GRK6: variants seen among roughly 807,000 people sequenced by gnomAD.
GRK6 encodes the protein G protein-coupled receptor kinase 6.
A neutral mutation model predicts 80.8 loss-of-function variants in GRK6; 37 were observed. That is an observed-to-expected ratio of 0.46 (90% CI 0.35 to 0.60). The LOEUF (loss-of-function observed/expected upper bound fraction) is 0.60, where lower values mean the gene tolerates loss of function less well. Among genes scored for constraint, GRK6 ranks in the 20% least tolerant of loss-of-function variants. GRK6 has a pLI of 0.00. For synonymous variants in GRK6, 295 were observed against 320.9 expected, an observed-to-expected ratio of 0.92 and a Z score of 0.86; for missense variants, 560 against 784.6, an observed-to-expected ratio of 0.71 and a Z score of 3.42.
At chr5:177,430,652 C>A (rs1763848865) in intron 1 of GRK6, 2 of 580,618 alleles carry the variant, frequency 3.4e-6, no homozygotes, top group Admixed American at 3.1e-5. Context: ...GACCTCACTG[C>A]CTCTCTTGGC....
rs766573669 is a variant in GRK6 at position 177,442,002 on chromosome 5, C to G, written c.*212C>G. ...TCCCTGGGACAAAGGTGCGTCCCTT[C>G]AGCTCTTCTCCGTGGAGCTCGGGGC... On this transcript the variant is annotated 3_prime_UTR_variant, in exon 16 of 16. Transcript: ENST00000355472. 1.7e-6 allele frequency: 1 copy of G among 587,264 alleles called. No individual in the cohort carries two copies. Among genetic ancestry groups the G allele is most frequent in the East Asian group, 2.9e-5 (1 of 33,972 alleles). 36.4% of individuals were successfully genotyped at this position (587,264 alleles called of 1,614,324 possible).
chr5:177,441,300 C>T, intron 15 of GRK6: 8 of 1,551,646 alleles, frequency 5.2e-6, no homozygotes, highest in Non-Finnish European at 7.0e-6. Context: ...CTCGGGGAGC[C>T]ACGGGCAGCC....
rs775086867 is a variant in GRK6 at position 177,428,615 on chromosome 5, C to G, written c.52+1718C>G. On this transcript the variant is annotated intron_variant, in intron 1 of 15. Coordinates refer to ENST00000355472, the MANE Select transcript of GRK6 (RefSeq NM_001004106.3). This position sits in a 1 kb window ranked among gnomAD's most constrained non-coding sequence, Gnocchi z 4.1. Reference sequence around the variant, plus strand: ...GTATTTATAGCACAGATGGGTTTCACCATGTTGGCCTGGCTGGTCTTGAAC... The same window carrying G: ...GTATTTATAGCACAGATGGGTTTCAGCATGTTGGCCTGGCTGGTCTTGAAC... 6.6e-6 allele frequency among the ~76,000 whole-genome samples: 1 copy of G among 152,174 alleles called. No individual in the cohort carries two copies. The highest frequency in any genetic ancestry group is 2.4e-5 in the African/African-American group (1 of 41,446).
intron 13 of GRK6, among the ~76,000 whole-genome samples, chr5:177,440,435 G>T (rs1764420041): frequency 6.6e-6 from 1 of 152,276 alleles, no homozygotes; most frequent in Non-Finnish European, 1.5e-5. Flanking sequence ...GCAGGCGAAG[G>T]AGGTGCCTGG....
chr5:177,436,365 C>T (rs1178551283), intron 12 of GRK6, 28 bp from the exon 13 acceptor site: 11 of 1,591,678 alleles, frequency 6.9e-6, no homozygotes, highest in Non-Finnish European at 8.6e-6. Flanking sequence ...CCTGCCTGGC[C>T]TGCCTGGCCG....
At chr5:177,434,289 G>C (rs2127375173) in intron 9 of GRK6, among the ~76,000 whole-genome samples, 185 bp downstream of exon 9, 1 of 152,266 alleles carries the variant, frequency 6.6e-6, no homozygotes, top group East Asian at 1.9e-4. Flanking sequence ...TAGGCTTTGG[G>C]CTCTGCTGGA....
chr5:177,442,223 T>A lies in GRK6; in HGVS notation c.*433T>A. On this transcript the variant is annotated 3_prime_UTR_variant, in exon 16 of 16. Coordinates refer to ENST00000355472, the MANE Select transcript of GRK6 (RefSeq NM_001004106.3). ...GGATGGCTGAGGGTGGTCACACCCC[T>A]GAGCCTTCAGCACTGTGCTGGCCAC... 1 of 218,606 alleles carries A rather than the reference T, an allele frequency of 4.6e-6. No individual in the cohort carries two copies. The allele number at this position is 218,606 out of a possible 1,614,324, so 13.5% of individuals were successfully genotyped here.
At chr5:177,430,470 G>A (rs998071005) in intron 1 of GRK6, among the ~76,000 whole-genome samples, 5 of 152,212 alleles carry the variant, frequency 3.3e-5, no homozygotes, top group African/African-American at 4.8e-5. Flanking sequence ...TGCCCTGTGC[G>A]TCTCTCAGGC....
At chr5:177,434,198 C>G in intron 9 of GRK6, 94 bp downstream of exon 9, 1 of 1,223,532 alleles carries the variant, frequency 8.2e-7, no homozygotes, top group Non-Finnish European at 1.1e-6. Flanking sequence ...GCCGATCAGG[C>G]CAGACTACAG....
rs140360862 is a variant in GRK6 at position 177,432,283 on chromosome 5, G to A, written c.312G>A (p.Gln104=). The change falls in exon 4 of 16, where the codon CAG becomes CAA. Residue 104 remains glutamine, a synonymous_variant. Coordinates refer to ENST00000355472, the MANE Select transcript of GRK6 (RefSeq NM_001004106.3). ...ACAAGCGGAAGGCATGTGGGCGGCAGCTAACGCAGAATTTTCTGAGCCACA... is the reference window on the plus strand; with the variant it reads ...ACAAGCGGAAGGCATGTGGGCGGCAACTAACGCAGAATTTTCTGAGCCACA... ...PDDKRKACGR[Q]LTQNFLSHTG... is the part of the protein sequence containing the mutation. The A allele has an allele frequency of 3.0e-5, 49 of 1,613,098 alleles. No individual in the cohort carries two copies. The African/African-American group carries it at 6.3e-4, about 21-fold the overall frequency.
Position 177,429,881 on chromosome 5 carries a change from G to A in GRK6, c.53-991G>A, listed in dbSNP as rs900674042. 6.6e-6 allele frequency among the ~76,000 whole-genome samples: 1 copy of A among 152,178 alleles called. No individual in the cohort carries two copies. Among genetic ancestry groups the A allele is most frequent in the Non-Finnish European group, 1.5e-5 (1 of 68,034 alleles). On this transcript the variant is annotated intron_variant, in intron 1 of 15. Transcript: ENST00000355472. This position sits in a 1 kb window ranked among gnomAD's most constrained non-coding sequence, Gnocchi z 4.3. ...GGAGAAGCTGAGGTTCACAGATAGC[G>A]AGTGATGGGCCACAGTGTGAATCAG...
chr5:177,427,290 T>C (rs1355782407), intron 1 of GRK6, among the ~76,000 whole-genome samples: 1 of 152,180 alleles, frequency 6.6e-6, no homozygotes, highest in South Asian at 2.1e-4. Context: ...CCGCGCAAAG[T>C]TGGCGATAGG....
In GRK6 at chr5:177,428,555, C is replaced by G. The variant is rs1459697147; in HGVS notation, c.52+1658C>G. Among the ~76,000 whole-genome samples, 3 of 152,200 alleles carry G rather than the reference C, an allele frequency of 2.0e-5. No homozygotes were observed. The highest frequency in any genetic ancestry group is 4.4e-5 in the Non-Finnish European group (3 of 68,038). ...CCCTCAGCCTCCCAAGTAGCTGGGA[C>G]TACAGGTGCATGCCACCACACCCAG... is the stretch of plus-strand genomic sequence containing the variant. On this transcript the variant is annotated intron_variant, in intron 1 of 15. Transcript: ENST00000355472. This position sits in a 1 kb window ranked among gnomAD's most constrained non-coding sequence, Gnocchi z 4.1.
At chr5:177,441,392 AC>A (rs1228902618) in intron 15 of GRK6, 36 of 1,004,230 alleles carry the variant, frequency 3.6e-5, no homozygotes, top group Non-Finnish European at 4.9e-5. Context: ...GATCCCCTGC[AC>A]CCTGGCCCCT....
rs1030452896 is a variant in GRK6 at position 177,429,574 on chromosome 5, C to A, written c.53-1298C>A. On this transcript the variant is annotated intron_variant, in intron 1 of 15. Transcript: ENST00000355472. The surrounding 1 kb of genome is among the most constrained non-coding windows in gnomAD (Gnocchi z 4.3). ...CGCAGGAGGCCTCTAGCAAGTTTCT[C>A]AATGGGCCCCTGCAGTACTTCCTTC... 6.6e-6 allele frequency among the ~76,000 whole-genome samples: 1 copy of A among 152,174 alleles called. No individual in the cohort carries two copies. Among genetic ancestry groups the A allele is most frequent in the Admixed American group, 6.5e-5 (1 of 15,280 alleles).
rs771797342 is a variant in GRK6, at chr5:177,433,168, C to T, written c.462C>T (p.Ser154=). The change falls in exon 6 of 16, where the codon AGC becomes AGT. Residue 154 remains serine, a synonymous_variant. Transcript: ENST00000355472. ...ELTRLTHEYL[S]VAPFADYLDS... ...ACAGGCTGACCCACGAGTACCTGAGCGTGGCCCCTTTTGCCGACTACCTCG... is the reference window on the plus strand; with the variant it reads ...ACAGGCTGACCCACGAGTACCTGAGTGTGGCCCCTTTTGCCGACTACCTCG... 3.7e-5 allele frequency: 60 copies of T among 1,613,900 alleles called. No homozygotes were observed. Among genetic ancestry groups the T allele is most frequent in the Middle Eastern group, 1.7e-4 (1 of 6,030 alleles).
intron 5 of GRK6, 151 bp downstream of exon 5, chr5:177,432,957 C>G: frequency 1.3e-6 from 1 of 790,912 alleles, no homozygotes; most frequent in Non-Finnish European, 2.1e-6. Flanking sequence ...AGCAGGCTGC[C>G]TCCCCTCTCA....
Position 177,434,115 on chromosome 5 carries a change from C to A in GRK6, c.929+11C>A. 6.5e-7 allele frequency: 1 copy of A among 1,544,072 alleles called. No individual in the cohort carries two copies. Among genetic ancestry groups the A allele is most frequent in the Non-Finnish European group, 8.7e-7 (1 of 1,146,040 alleles). ...GCGCATCGTGTACAGGTGGGGAGGG[C>A]TCGGCCACCCCAGGGGCTTAGTCCT... is the stretch of plus-strand genomic sequence containing the variant. On this transcript the variant is annotated intron_variant, in intron 9 of 15. Coordinates refer to ENST00000355472, the MANE Select transcript of GRK6 (RefSeq NM_001004106.3).
In GRK6 at chr5:177,435,070, G is replaced by A; in HGVS notation, c.1006G>A (p.Val336Met). The change falls in exon 11 of 16, where the codon GTG becomes ATG. Residue 336 changes from valine to methionine, a missense_variant. By Grantham distance (21) the Val-to-Met change is conservative. Transcript: ENST00000355472. ...RISDLGLAVH[V>M]PEGQTIKGRV... ...CTCTGACCTGGGACTAGCTGTGCAT[G>A]TGCCCGAGGGCCAGACCATCAAAGG... 6.2e-7 allele frequency: 1 copy of A among 1,612,408 alleles called. No homozygotes were observed. Among genetic ancestry groups the A allele is most frequent in the Non-Finnish European group, 8.5e-7 (1 of 1,179,598 alleles).
Sources: allele counts gnomAD v4.1 joint callset (sites outside exome capture counted in the v4.1 genomes callset), GRCh38; gene constraint gnomAD v4.1.1; non-coding constraint Gnocchi (gnomAD v3.1); transcripts MANE v1.5; gene names NCBI Gene and HGNC (gene_info 2026-07-23, HGNC 2026-07-21).